The following PTS variants were observed in gnomAD, a reference collection of about 807,000 sequenced individuals.
The protein encoded by PTS is 6-pyruvoyltetrahydropterin synthase.
A neutral mutation model predicts 20.6 loss-of-function variants in PTS; 23 were observed. The ratio of observed to expected loss-of-function variants is 1.12; its 90% CI spans 0.80 to 1.58. The LOEUF (loss-of-function observed/expected upper bound fraction) is 1.58, where lower values mean the gene tolerates loss of function less well. Among genes scored for constraint, PTS ranks in the 40% most tolerant of loss-of-function variants. The probability of loss-of-function intolerance (pLI) is 0.00; values close to 1 mark genes in which losing one functional copy is unlikely to be tolerated. For missense variants in PTS, 186 were observed against 182.4 expected, an observed-to-expected ratio of 1.02 and a Z score of -0.11; for synonymous variants, 65 against 62.5, an observed-to-expected ratio of 1.04 and a Z score of -0.19.
chr11:112,228,715 T>C, intron 2 of PTS, 42 bp downstream of exon 2: 1 of 1,529,594 alleles, frequency 6.5e-7, no homozygotes, highest in Non-Finnish European at 9.0e-7. Flanking sequence ...TCAATAAGGA[T>C]GAAAGAGTAT....
chr11:112,230,354 T>G (rs1407564397), intron 3 of PTS, 124 bp downstream of exon 3: 4 of 1,218,200 alleles, frequency 3.3e-6, no homozygotes, highest in Non-Finnish European at 4.9e-6. Flanking sequence ...CTTGTATATG[T>G]GTGTGTGGTG....
At chr11:112,227,395 A>C (rs1859879523) in intron 1 of PTS, among the ~76,000 whole-genome samples, 1 of 152,176 alleles carries the variant, frequency 6.6e-6, no homozygotes, top group South Asian at 2.1e-4. Context: ...AATTTTGTGC[A>C]AAAGACTTTA....
At chr11:112,228,320 G>A in intron 1 of PTS, 1 of 489,762 alleles carries the variant, frequency 2.0e-6, no homozygotes, top group Non-Finnish European at 3.7e-6. Context: ...AGGCCCATGA[G>A]CAGATCAGTT....
rs760097954 is a variant in PTS at position 112,233,571 on chromosome 11, T to C, written c.*16T>C. Reference sequence around the variant, plus strand: ...AGGAGAATAGCTATTGGGGTTAGCATTGCACAAAGCCCAGTTTCTTTCTGT... The same window carrying C: ...AGGAGAATAGCTATTGGGGTTAGCACTGCACAAAGCCCAGTTTCTTTCTGT... On this transcript the variant is annotated 3_prime_UTR_variant, in exon 6 of 6. Transcript: ENST00000280362. 86 of 1,613,278 alleles carry C rather than the reference T, an allele frequency of 5.3e-5. No individual in the cohort carries two copies. The Middle Eastern group carries it at 1.3e-3, about 25-fold the overall frequency.
chr11:112,229,206 A>T (rs548830524), intron 2 of PTS: 1 of 155,076 alleles, frequency 6.4e-6, no homozygotes, highest in African/African-American at 2.4e-5. Context: ...GTGGTGGCAT[A>T]AAAAAAAACA....
In PTS at chr11:112,233,428, A is replaced by G. The variant is rs775516317; in HGVS notation, c.315-4A>G. The G allele has an allele frequency of 1.2e-6, 2 of 1,603,652 alleles. No individual in the cohort carries two copies. Among genetic ancestry groups the G allele is most frequent in the African/African-American group, 1.4e-5 (1 of 73,986 alleles). On this transcript the variant is annotated splice_region_variant and splice_polypyrimidine_tract_variant and intron_variant, in intron 5 of 5. Transcript: ENST00000280362. ...TTTTTTGTTTTTGTTTTTTTTTCTT[A>G]TAGCACGACTGAAAATGTAGCTGTT...
At chr11:112,230,716 TC>T in intron 4 of PTS, 34 bp downstream of exon 4, 1 of 1,557,168 alleles carries the variant, frequency 6.4e-7, no homozygotes, top group Non-Finnish European at 8.9e-7. Flanking sequence ...TATGTGCTAT[TC>T]CCTAACTGTA....
intron 4 of PTS, among the ~76,000 whole-genome samples, chr11:112,232,540 A>G (rs1566817340): frequency 6.6e-6 from 1 of 152,206 alleles, no homozygotes. Flanking sequence ...TGCAATAGCT[A>G]AAAGCAAAAA....
rs1566818151 is a variant in PTS, at chr11:112,233,585, GTTTC to G, written c.*36_*39del. 2 of 1,612,218 alleles carry G rather than the reference GTTTC, an allele frequency of 1.2e-6. No individual in the cohort carries two copies. Among genetic ancestry groups the G allele is most frequent in the African/African-American group, 1.3e-5 (1 of 75,002 alleles). On this transcript the variant is annotated 3_prime_UTR_variant, in exon 6 of 6. Transcript: ENST00000280362. The stretch of plus-strand genomic sequence containing the variant: ...TGGGGTTAGCATTGCACAAAGCCCA[GTTTC>G]TTTCTGTGTTTGAAAAAGATTTTGA...
At chr11:112,228,557 T>G in intron 1 of PTS, 37 bp from the exon 2 acceptor site, 1 of 1,536,040 alleles carries the variant, frequency 6.5e-7, no homozygotes, top group Non-Finnish European at 8.9e-7. Flanking sequence ...AATGTGATAC[T>G]TGTGTCATGC....
At chr11:112,230,275 T>C (rs1312978573) in intron 3 of PTS, 45 bp downstream of exon 3, 2 of 1,590,600 alleles carry the variant, frequency 1.3e-6, no homozygotes, top group Admixed American at 1.7e-5. Flanking sequence ...ATTGCTGGGC[T>C]CTCTTTCAGC....
rs1195800856 is a variant in PTS, at chr11:112,233,244, C to T, written c.314+11C>T. The T allele has an allele frequency of 6.2e-7, 1 of 1,609,778 alleles. No homozygotes were observed. The highest frequency in any genetic ancestry group is 8.5e-7 in the Non-Finnish European group (1 of 1,176,106). On this transcript the variant is annotated intron_variant, in intron 5 of 5. Transcript: ENST00000280362. ...TGCAGATGTGGTGAGGTGGGTGGCA[C>T]TGTATCTTGCCTTATGTGGATTGTA...
chr11:112,233,129 A>C, intron 4 of PTS, 34 bp from the exon 5 acceptor site: 1 of 1,579,504 alleles, frequency 6.3e-7, no homozygotes, highest in Non-Finnish European at 8.7e-7. Flanking sequence ...TCGTAAATGG[A>C]GTCAATGATA....
chr11:112,226,492 C>T lies in PTS; in HGVS notation c.49C>T (p.Arg17Cys), dbSNP rs1241253001. Reference sequence around the variant, plus strand: ...TCGCTGCCAGGCACAAGTGTCCCGCCGCATCTCCTTCAGCGCGAGCCACCG... The same window carrying T: ...TCGCTGCCAGGCACAAGTGTCCCGCTGCATCTCCTTCAGCGCGAGCCACCG... ...GRRCQAQVSR[R>C]ISFSASHRLY... Residue 17 changes from arginine to cysteine, a missense_variant, in exon 1 of 6, where the codon CGC becomes TGC. Transcript: ENST00000280362. The T allele has an allele frequency of 1.9e-6, 3 of 1,586,864 alleles. No homozygotes were observed. The East Asian group carries it at 6.8e-5, about 36-fold the overall frequency.
At chr11:112,228,427 C>G in intron 1 of PTS, 167 bp from the exon 2 acceptor site, 1 of 638,670 alleles carries the variant, frequency 1.6e-6, no homozygotes, top group South Asian at 2.0e-5. Context: ...GTGACGTATA[C>G]GTAAGTAATA....
At chr11:112,228,369 G>A in intron 1 of PTS, 1 of 574,730 alleles carries the variant, frequency 1.7e-6, no homozygotes, top group Non-Finnish European at 3.1e-6. Flanking sequence ...GTTTGTTTGT[G>A]CTAATTTGTA....
chr11:112,232,349 A>G (rs550855121), intron 4 of PTS, among the ~76,000 whole-genome samples: 3 of 152,246 alleles, frequency 2.0e-5, no homozygotes, highest in Non-Finnish European at 4.4e-5. Flanking sequence ...TTTTCTTGTT[A>G]TTCATGTGGA....
chr11:112,229,029 C>A, intron 2 of PTS: 1 of 243,050 alleles, frequency 4.1e-6, no homozygotes, highest in Admixed American at 5.2e-5. Context: ...GGGAATGTTG[C>A]CTAGGAATGT....
At chr11:112,226,567 C>A in intron 1 of PTS, 41 bp downstream of exon 1, 1 of 1,482,994 alleles carries the variant, frequency 6.7e-7, no homozygotes, top group South Asian at 1.3e-5. Flanking sequence ...CGGTGGGCGC[C>A]GGGCCCCGGA....
Sources: allele counts gnomAD v4.1 joint callset (sites outside exome capture counted in the v4.1 genomes callset), GRCh38; gene constraint gnomAD v4.1.1; transcripts MANE v1.5; gene names NCBI Gene and HGNC (gene_info 2026-07-23, HGNC 2026-07-21).